Variants in FAM13A observed in about 807,000 individuals in gnomAD.
The protein encoded by FAM13A is protein FAM13A.
FAM13A carries 76 observed loss-of-function variants against 129.6 expected under a neutral mutation model. That is an observed-to-expected ratio of 0.59 (90% CI 0.49 to 0.71). FAM13A has a LOEUF of 0.71. FAM13A is among the 30% of genes least tolerant of loss of function. The pLI is 0.00. For synonymous variants in FAM13A, 443 were observed against 449.9 expected, an observed-to-expected ratio of 0.98 and a Z score of 0.20; for missense variants, 1,108 against 1,249.3, an observed-to-expected ratio of 0.89 and a Z score of 1.70.
chr4:89,027,818 T>C (rs75541929), intron 2 of FAM13A, among the ~76,000 whole-genome samples: 259 of 152,132 alleles, frequency 1.7e-3, no homozygotes, highest in African/African-American at 6.0e-3. Flanking sequence ...CATATACACA[T>C]GGATACACTG....
chr4:88,822,926 T>C (rs778176705), intron 7 of FAM13A: 8 of 1,602,480 alleles, frequency 5.0e-6, no homozygotes, highest in East Asian at 2.2e-5. Context: ...TATGGCTTGA[T>C]ACAACTCAAA....
chr4:88,800,709 A>AG (rs1727281500), intron 8 of FAM13A, among the ~76,000 whole-genome samples: 1 of 150,360 alleles, frequency 6.7e-6, no homozygotes, highest in African/African-American at 2.4e-5. Flanking sequence ...AAAAAAAAAA[A>AG]GAAAAAAAAA....
At chr4:88,835,027 A>G (rs1469064186) in intron 7 of FAM13A, among the ~76,000 whole-genome samples, 1 of 152,064 alleles carries the variant, frequency 6.6e-6, no homozygotes, top group East Asian at 1.9e-4. Flanking sequence ...TACAGAATTG[A>G]TCTCCCCAAA....
intron 11 of FAM13A, among the ~76,000 whole-genome samples, chr4:88,772,324 G>A (rs1012308269): frequency 3.9e-5 from 6 of 152,082 alleles, no homozygotes; most frequent in Admixed American, 2.6e-4. Context: ...TTGTATAAGC[G>A]CATTCATATT....
At chr4:88,763,273 A>ATTCGTTCG (rs1188354412) in intron 13 of FAM13A, among the ~76,000 whole-genome samples, 2 of 105,706 alleles carry the variant, frequency 1.9e-5, no homozygotes, top group African/African-American at 6.2e-5. Flanking sequence ...TCCCTTTCCC[A>ATTCGTTCG]TTCGTTCATT....
chr4:88,994,838 CA>C (rs34930151), intron 3 of FAM13A, among the ~76,000 whole-genome samples: 98,374 of 146,994 alleles, frequency 0.67, 32,371 homozygotes, highest in Middle Eastern at 0.79. Flanking sequence ...GAGACCCTGT[CA>C]AAAAAAAAAA....
At chr4:88,732,545 C>T (rs1481967616) in intron 21 of FAM13A, 1 of 170,446 alleles carries the variant, frequency 5.9e-6, no homozygotes, top group African/African-American at 2.4e-5. Flanking sequence ...CAAAAATTTC[C>T]AGCTCTGTGA....
At chr4:88,812,553 C>G (rs1729867493) in intron 7 of FAM13A, among the ~76,000 whole-genome samples, 1 of 152,194 alleles carries the variant, frequency 6.6e-6, no homozygotes. Flanking sequence ...TTCTCCACCT[C>G]TCTCTGCCTG....
At chr4:88,868,236 A>G (rs901776190) in intron 6 of FAM13A, among the ~76,000 whole-genome samples, 3 of 152,112 alleles carry the variant, frequency 2.0e-5, no homozygotes, top group Admixed American at 2.0e-4. Context: ...AGGCCCCAAC[A>G]TTATCTTAAA....
intron 10 of FAM13A, among the ~76,000 whole-genome samples, chr4:88,781,852 AG>A (rs1344911722): frequency 6.8e-6 from 1 of 147,578 alleles, no homozygotes; most frequent in Non-Finnish European, 1.5e-5. Context: ...GGGTGGGGGG[AG>A]CGGGGAGGGA....
chr4:88,967,960 TG>T (rs1759568094), intron 4 of FAM13A, among the ~76,000 whole-genome samples: 1 of 152,132 alleles, frequency 6.6e-6, no homozygotes, highest in Non-Finnish European at 1.5e-5. Context: ...GGTGGTAGTG[TG>T]TGTGTGTTTA....
At chr4:88,784,415 T>C (rs1207481153) in intron 10 of FAM13A, among the ~76,000 whole-genome samples, 2 of 152,176 alleles carry the variant, frequency 1.3e-5, no homozygotes, top group African/African-American at 4.8e-5. Context: ...GTGTACTCAA[T>C]TCCTTCCTGC....
Position 88,742,699 on chromosome 4 carries a change from T to C in FAM13A, c.2467-3574A>G, listed in dbSNP as rs139852678. Reference sequence around the variant, plus strand: ...TATATGAACAAAGCAGGACCTTCGCTGAACTGTCAAAAAAGAGCTATTAAA... The same window carrying C: ...TATATGAACAAAGCAGGACCTTCGCCGAACTGTCAAAAAAGAGCTATTAAA... On this transcript the variant is annotated intron_variant, in intron 19 of 23. Coordinates refer to ENST00000264344, the MANE Select transcript of FAM13A (RefSeq NM_014883.4). Among the ~76,000 whole-genome samples, 727 of 152,274 alleles carry C rather than the reference T, an allele frequency of 4.8e-3. 3 individuals carry two copies. The highest frequency in any genetic ancestry group is 6.8e-3 in the Non-Finnish European group (464 of 68,014).
chr4:88,936,351 G>A (rs1351123670), intron 5 of FAM13A: 5 of 152,258 alleles, frequency 3.3e-5, no homozygotes, highest in Non-Finnish European at 7.3e-5. Flanking sequence ...CCTCTAATGA[G>A]GCCTCAGGAA....
rs928314975 is a variant in FAM13A at position 89,029,578 on chromosome 4, C to A, written c.99G>T (p.Lys33Asn). ...CAAATAACTTCTGATAGGTAAAATC[C>A]TTCTGTTCATTTAATGGCACTGCCA... ...KIVAVPLNEQ[K>N]DFTYQKLFGV... Residue 33 changes from lysine to asparagine, a missense_variant, in exon 2 of 24, where the codon AAG (lysine) becomes AAT (asparagine). Lys to Asn is a moderately conservative substitution (Grantham distance 94). This residue lies in a region of FAM13A where 566 missense variants were observed against 595.7 expected (regional missense o/e 0.95). Coordinates refer to ENST00000264344, the MANE Select transcript of FAM13A (RefSeq NM_014883.4). The A allele has an allele frequency of 6.3e-6, 10 of 1,589,730 alleles. No individual in the cohort carries two copies. The Admixed American group carries it at 1.3e-4, about 21-fold the overall frequency.
Position 89,003,283 on chromosome 4 carries a change from GAAA to G in FAM13A, c.428-12136_428-12134del, listed in dbSNP as rs33992424. Reference sequence around the variant, plus strand: ...ACAGTGGAGTTGTTGGAGCAATTTGGAAAAAAAAAAAAACTGCATCAAGTTTAT... The same window carrying G: ...ACAGTGGAGTTGTTGGAGCAATTTGGAAAAAAAAAACTGCATCAAGTTTAT... On this transcript the variant is annotated intron_variant, in intron 3 of 23. Transcript: ENST00000264344. Among the ~76,000 whole-genome samples the G allele has an allele frequency of 1.2e-4, 17 of 146,506 alleles. No individual in the cohort carries two copies. In the South Asian group the frequency reaches 1.3e-3, roughly 11 times the overall value.
chr4:88,882,957 A>G (rs1208328351), intron 6 of FAM13A, among the ~76,000 whole-genome samples: 1 of 152,122 alleles, frequency 6.6e-6, no homozygotes, highest in Non-Finnish European at 1.5e-5. Context: ...TTCAACAGGA[A>G]AATATCACAA....
At chr4:88,912,012 T>C (rs1339114551) in intron 5 of FAM13A, among the ~76,000 whole-genome samples, 1 of 152,218 alleles carries the variant, frequency 6.6e-6, no homozygotes, top group East Asian at 1.9e-4. Flanking sequence ...CTTACTCTTG[T>C]TCTTAGTAAC....
rs1052473013 is a variant in FAM13A, at chr4:88,781,030, T to C, written c.1458+135A>G. On this transcript the variant is annotated intron_variant, in intron 11 of 23. Coordinates refer to ENST00000264344, the MANE Select transcript of FAM13A (RefSeq NM_014883.4). ...TATTAAAAAGAAATACAAATATATA[T>C]ACACTTAGTAGCTCTAAGGTCTCTT... 44 of 462,548 alleles carry C rather than the reference T, an allele frequency of 9.5e-5. 1 individual carries two copies. The highest frequency in any genetic ancestry group is 9.5e-4 in the Middle Eastern group (2 of 2,116). 28.7% of individuals were successfully genotyped at this position (462,548 alleles called of 1,614,324 possible).
Sources: allele counts gnomAD v4.1 joint callset (sites outside exome capture counted in the v4.1 genomes callset), GRCh38; gene constraint gnomAD v4.1.1; regional missense constraint gnomAD v4.1.1; transcripts MANE v1.5; gene names NCBI Gene and HGNC (gene_info 2026-07-23, HGNC 2026-07-21).